The following MROH1 variants were observed in gnomAD, a reference collection of about 807,000 sequenced individuals.
MROH1 encodes maestro heat like repeat family member 1.
Under a neutral mutation model 116.5 loss-of-function variants are expected in MROH1, and 117 were observed. The ratio of observed to expected loss-of-function variants is 1.00; its 90% CI spans 0.86 to 1.17. The LOEUF (loss-of-function observed/expected upper bound fraction) is 1.17. Among genes scored for constraint, MROH1 ranks in the 50% most tolerant of loss-of-function variants. MROH1 has a pLI of 0.00. For missense variants in MROH1, 1,873 were observed against 1,338.5 expected, an observed-to-expected ratio of 1.40 and a Z score of -6.23; for synonymous variants, 921 against 583.9, an observed-to-expected ratio of 1.58 and a Z score of -8.32.
chr8:144,247,815 G>A (rs1842154624), intron 31 of MROH1, 136 bp downstream of exon 31: 3 of 684,028 alleles, frequency 4.4e-6, no homozygotes, highest in Non-Finnish European at 8.0e-6. Flanking sequence ...CAGGGCCTGG[G>A]TGTTTGCATT....
intron 4 of MROH1, among the ~76,000 whole-genome samples, chr8:144,177,142 G>T (rs180793283): frequency 1.3e-5 from 2 of 152,212 alleles, no homozygotes; most frequent in Non-Finnish European, 2.9e-5. Flanking sequence ...ACTCCCACTC[G>T]TGGGCCTGGG....
intron 33 of MROH1, 183 bp downstream of exon 33, chr8:144,250,549 G>T (rs1411132169): frequency 3.0e-6 from 2 of 671,414 alleles, no homozygotes; most frequent in African/African-American, 1.8e-5. Context: ...TACCCACGGG[G>T]ACCTCTCCTC....
rs536645678 is a variant in MROH1, at chr8:144,231,038, T to C, written c.1339-7718T>C. On this transcript the variant is annotated intron_variant, in intron 14 of 43. Transcript: ENST00000326134. ...AACGAGCATGCTGCCTTCAAGCATC[T>C]GTTTAACAAAGCACATCTTGCACCG... is the stretch of plus-strand genomic sequence containing the variant. Among the ~76,000 whole-genome samples, 141 of 141,822 alleles carry C rather than the reference T, an allele frequency of 9.9e-4. 1 individual carries two copies. The highest frequency in any genetic ancestry group is 1.6e-3 in the Non-Finnish European group (106 of 65,704). The allele number at this position is 141,822 out of a possible 152,430, so 93.0% of individuals were successfully genotyped here.
intron 14 of MROH1, among the ~76,000 whole-genome samples, chr8:144,224,816 G>A (rs566141409): frequency 6.6e-6 from 1 of 152,294 alleles, no homozygotes; most frequent in African/African-American, 2.4e-5. Flanking sequence ...CTGGGTGCTG[G>A]GCTCTGTGGT....
chr8:144,261,494 A>C (rs1308200875), intron 43 of MROH1, 145 bp downstream of exon 43: 1 of 693,338 alleles, frequency 1.4e-6, no homozygotes, highest in African/African-American at 1.8e-5. Context: ...GAAACTTCTT[A>C]ACTGTTCCAA....
chr8:144,248,307 GAA>G (rs1166970261), intron 31 of MROH1, among the ~76,000 whole-genome samples: 10 of 152,062 alleles, frequency 6.6e-5, no homozygotes, highest in Non-Finnish European at 1.2e-4. Flanking sequence ...TTACGGGGGG[GAA>G]AAAAAGAGTC....
chr8:144,166,415 C>T (rs111242674), intron 3 of MROH1, among the ~76,000 whole-genome samples: 1,799 of 152,288 alleles, frequency 0.012, 39 homozygotes, highest in African/African-American at 0.04. Flanking sequence ...CACCTGAGCA[C>T]GCAGGCCCCG....
At position 144,226,628 on chromosome 8, in the gene MROH1, T is replaced by G. The variant is rs555450571; in HGVS notation, c.1338+3398T>G. 4.6e-5 allele frequency among the ~76,000 whole-genome samples: 7 copies of G among 152,230 alleles called. No homozygotes were observed. In the East Asian group the frequency reaches 1.4e-3, roughly 29 times the overall value. ...CCACCACACCCGTCTAAGTTTTGTA[T>G]TTTCAGTAGAGATGCAGTTTCACTG... On this transcript the variant is annotated intron_variant, in intron 14 of 43. Coordinates refer to ENST00000326134, the MANE Select transcript of MROH1 (RefSeq NM_032450.3).
At chr8:144,260,123 C>T in intron 38 of MROH1, 63 bp from the exon 39 acceptor site, 1 of 752,782 alleles carries the variant, frequency 1.3e-6, no homozygotes, top group Admixed American at 1.7e-5. Context: ...ATGGAGGCCA[C>T]CCTGTCTTGT....
intron 14 of MROH1, among the ~76,000 whole-genome samples, chr8:144,236,734 C>G (rs1840101717): frequency 6.6e-6 from 1 of 151,082 alleles, no homozygotes; most frequent in Admixed American, 6.6e-5. Flanking sequence ...CAGAGCGAGA[C>G]TCCATCTCAA....
chr8:144,236,286 G>C (rs1396470122), intron 14 of MROH1, among the ~76,000 whole-genome samples: 1 of 152,188 alleles, frequency 6.6e-6, no homozygotes, highest in Non-Finnish European at 1.5e-5. Context: ...CATATCGGGG[G>C]TCCTAGTGTT....
At chr8:144,221,019 A>G (rs916894189) in intron 13 of MROH1, among the ~76,000 whole-genome samples, 6 of 152,098 alleles carry the variant, frequency 3.9e-5, no homozygotes, top group Admixed American at 3.3e-4. Context: ...CACATCAGCC[A>G]TGGTTGGGGT....
chr8:144,253,129 G>A (rs1421343728), intron 33 of MROH1, among the ~76,000 whole-genome samples: 2 of 151,788 alleles, frequency 1.3e-5, no homozygotes, highest in African/African-American at 4.8e-5. Flanking sequence ...ACTCCAGCCT[G>A]GGCAACAGAG....
chr8:144,241,227 C>T (rs1292279329), intron 21 of MROH1, 116 bp downstream of exon 21: 2 of 696,146 alleles, frequency 2.9e-6, no homozygotes, highest in South Asian at 1.6e-5. Flanking sequence ...TGTGTGCATA[C>T]ACAGGTGGTG....
chr8:144,186,853 G>A (rs1245031714), intron 7 of MROH1, among the ~76,000 whole-genome samples: 3 of 152,216 alleles, frequency 2.0e-5, no homozygotes, highest in Admixed American at 6.5e-5. Context: ...AGCACTTTGG[G>A]AGGCTGAGGC....
In MROH1 at chr8:144,243,874, G is replaced by C; in HGVS notation, c.2487G>C (p.Arg829Ser). 1 of 780,006 alleles carries C rather than the reference G, an allele frequency of 1.3e-6. No individual in the cohort carries two copies. Among genetic ancestry groups the C allele is most frequent in the Non-Finnish European group, 2.4e-6 (1 of 417,592 alleles). 48.3% of individuals were successfully genotyped at this position (780,006 alleles called of 1,614,324 possible). Residue 829 changes from arginine (R) to serine (S), a missense_variant, in exon 26 of 44, where the codon AGG (arginine) becomes AGC (serine). By Grantham distance (110) the Arg-to-Ser change is moderately radical. Coordinates refer to ENST00000326134, the MANE Select transcript of MROH1 (RefSeq NM_032450.3). The stretch of plus-strand genomic sequence containing the variant: ...CCTGCCTCACCCAGGAGTTCATCAG[G>C]GCAGAGCCCCCGGACTCCTTGAGGA... ...ELVAQMMEFI[R>S]AEPPDSLRTP... is the part of the protein sequence containing the mutation.
intron 1 of MROH1, among the ~76,000 whole-genome samples, chr8:144,152,616 G>A (rs1277163090): frequency 6.6e-6 from 1 of 151,638 alleles, no homozygotes; most frequent in East Asian, 1.9e-4. Flanking sequence ...GTGCAATCTC[G>A]GCTCACTGGA....
intron 12 of MROH1, among the ~76,000 whole-genome samples, chr8:144,219,517 C>T (rs977093941): frequency 1.3e-5 from 2 of 152,286 alleles, no homozygotes; most frequent in Admixed American, 6.5e-5. Flanking sequence ...GAAGATCCTT[C>T]TACAGCATCT....
chr8:144,233,848 A>G (rs1396044835), intron 14 of MROH1, among the ~76,000 whole-genome samples: 16 of 152,152 alleles, frequency 1.1e-4, no homozygotes, highest in Admixed American at 9.2e-4. Flanking sequence ...AAGTTCTCCA[A>G]CTTTGTTCTT....
Sources: gnomAD v4.1 joint callset for allele counts (sites outside exome capture counted in the v4.1 genomes callset) on GRCh38, gnomAD v4.1.1 for gene constraint, MANE v1.5 for transcripts, NCBI Gene and HGNC (gene_info 2026-07-23, HGNC 2026-07-21) for gene names.